The following CDH18 variants were observed in gnomAD, a reference collection of about 807,000 sequenced individuals.
The protein encoded by CDH18 is cadherin-18.
A neutral mutation model predicts 67.9 loss-of-function variants in CDH18; 31 were observed. The ratio of observed to expected loss-of-function variants is 0.46; its 90% confidence interval spans 0.34 to 0.62. The LOEUF (loss-of-function observed/expected upper bound fraction) is 0.62. CDH18 is among the 20% of genes least tolerant of loss of function. CDH18 has a pLI of 0.01. For missense variants in CDH18, 890 were observed against 975.5 expected (o/e 0.91, Z 1.17); for synonymous variants, 362 against 347.2 (o/e 1.04, Z -0.48).
At chr5:19,496,326 G>A (rs1211292335) in intron 11 of CDH18, among the ~76,000 whole-genome samples, 1 of 152,268 alleles carries the variant, frequency 6.6e-6, no homozygotes, top group South Asian at 2.1e-4. Flanking sequence ...CAGAGAAATG[G>A]TGAATACTCT....
intron 1 of CDH18, chr5:20,305,837 T>C (rs1218232658): frequency 1.8e-5 from 4 of 218,086 alleles, no homozygotes; most frequent in Non-Finnish European, 2.7e-5. Context: ...GACAGTGTTC[T>C]GAACTGGGTT....
chr5:20,380,594 T>C (rs1342164593), intron 1 of CDH18, among the ~76,000 whole-genome samples: 4 of 152,144 alleles, frequency 2.6e-5, no homozygotes. Flanking sequence ...AGCGAGTTAA[T>C]TTTAGGCACA....
intron 2 of CDH18, among the ~76,000 whole-genome samples, chr5:20,090,139 C>G (rs1745296422): frequency 1.3e-5 from 2 of 152,060 alleles, no homozygotes. Context: ...GATAAAAATA[C>G]ACAAGAAAGT....
chr5:20,504,903 G>A (rs895187213), intron 1 of CDH18, among the ~76,000 whole-genome samples: 7 of 151,494 alleles, frequency 4.6e-5, no homozygotes, highest in African/African-American at 1.7e-4. Context: ...GAGTAGCTGG[G>A]ACTACAGGCA....
At chr5:20,390,230 A>C (rs1012155684) in intron 1 of CDH18, among the ~76,000 whole-genome samples, 2 of 151,998 alleles carry the variant, frequency 1.3e-5, no homozygotes, top group Non-Finnish European at 2.9e-5. Context: ...AATTTTTGCA[A>C]TCTACTCATC....
At chr5:20,403,050 G>A (rs1745913848) in intron 1 of CDH18, among the ~76,000 whole-genome samples, 1 of 151,746 alleles carries the variant, frequency 6.6e-6, no homozygotes, top group African/African-American at 2.4e-5. Flanking sequence ...AGGTGTGGTG[G>A]CACACACTTG....
intron 1 of CDH18, among the ~76,000 whole-genome samples, chr5:20,299,403 TACACACAC>T (rs56003449): frequency 0.41 from 56,581 of 138,576 alleles, 12,202 homozygotes; most frequent in Middle Eastern, 0.53. Context: ...CAACATTAGC[TACACACAC>T]ACACACACAC....
chr5:19,677,127 G>T (rs1006245633), intron 5 of CDH18, among the ~76,000 whole-genome samples: 3 of 151,958 alleles, frequency 2.0e-5, no homozygotes, highest in Non-Finnish European at 4.4e-5. Flanking sequence ...AGGCCAAAAT[G>T]AAAGAAAAAA....
At chr5:19,604,898 C>A (rs1747782392) in intron 6 of CDH18, among the ~76,000 whole-genome samples, 1 of 151,734 alleles carries the variant, frequency 6.6e-6, no homozygotes, top group African/African-American at 2.4e-5. Context: ...TGTTTTCTCT[C>A]ACTCTTAATC....
rs572116080 is a variant in CDH18, at chr5:20,429,717, T to G, written c.-580+145745A>C. On this transcript the variant is annotated intron_variant, in intron 1 of 14. Coordinates refer to the CDH18 transcript ENST00000507958. The stretch of plus-strand genomic sequence containing the variant: ...TGCAGTTTGCATAAGGCTTAACATA[T>G]GTGTTATTTTTGCAGTAAATGTGAT... 2.6e-5 allele frequency among the ~76,000 whole-genome samples: 4 copies of G among 152,296 alleles called. No individual in the cohort carries two copies. In the South Asian group the frequency reaches 8.3e-4, roughly 32 times the overall value.
chr5:20,327,505 C>T (rs1424810097), intron 1 of CDH18, among the ~76,000 whole-genome samples: 3 of 151,836 alleles, frequency 2.0e-5, no homozygotes, highest in Admixed American at 1.3e-4. Flanking sequence ...CTTTAAATAC[C>T]GAAGTTCACA....
intron 5 of CDH18, among the ~76,000 whole-genome samples, chr5:19,671,291 T>C (rs982714247): frequency 6.6e-6 from 1 of 152,116 alleles, no homozygotes; most frequent in Non-Finnish European, 1.5e-5. Context: ...AAATAGAATT[T>C]GCTCTTCCAG....
chr5:19,691,677 T>C, intron 5 of CDH18, among the ~76,000 whole-genome samples: 1 of 151,738 alleles, frequency 6.6e-6, no homozygotes. Context: ...ACCAAAGAGG[T>C]GAAGGACTTC....
chr5:19,677,636 AGTCCAAAGTGTATC>A (rs1357324296), intron 5 of CDH18, among the ~76,000 whole-genome samples: 1 of 151,936 alleles, frequency 6.6e-6, no homozygotes, highest in Non-Finnish European at 1.5e-5. Context: ...TGAAGAAGCA[AGTCCAAAGTGTATC>A]CTGTCTTCAA....
intron 5 of CDH18, among the ~76,000 whole-genome samples, chr5:19,629,886 A>C (rs554118547): frequency 6.6e-6 from 1 of 152,294 alleles, no homozygotes; most frequent in South Asian, 2.1e-4. Context: ...AAAAATTTGT[A>C]GAAGAAAATT....
rs144330193 is a variant in CDH18 at position 19,777,246 on chromosome 5, C to T, written c.229-30010G>A. ...AGTGAGCCGAGATCGCATCATTCCACTCCAGCCTGGGCAACAAGAGTGAAA... is the reference window on the plus strand; with the variant it reads ...AGTGAGCCGAGATCGCATCATTCCATTCCAGCCTGGGCAACAAGAGTGAAA... On this transcript the variant is annotated intron_variant, in intron 3 of 12. Coordinates refer to ENST00000382275, the MANE Select transcript of CDH18 (RefSeq NM_004934.5). 6.8e-3 allele frequency among the ~76,000 whole-genome samples: 1,037 copies of T among 152,332 alleles called. 6 individuals carry two copies. Among genetic ancestry groups the T allele is most frequent in the East Asian group, 0.015 (77 of 5,188 alleles).
intron 1 of CDH18, among the ~76,000 whole-genome samples, chr5:20,573,349 CG>C (rs1411945801): frequency 6.6e-6 from 1 of 151,444 alleles, no homozygotes; most frequent in East Asian, 1.9e-4. Flanking sequence ...ATTAGAATTA[CG>C]TTTTTTTTTA....
At chr5:20,135,068 A>G (rs1329389001) in intron 2 of CDH18, among the ~76,000 whole-genome samples, 1 of 152,058 alleles carries the variant, frequency 6.6e-6, no homozygotes, top group Non-Finnish European at 1.5e-5. Context: ...AGGCCTGGAG[A>G]GAGAAACAGA....
chr5:19,695,424 C>A (rs1264539276), intron 5 of CDH18, among the ~76,000 whole-genome samples: 4 of 152,018 alleles, frequency 2.6e-5, no homozygotes, highest in Non-Finnish European at 5.9e-5. Flanking sequence ...AGAAAGGGAC[C>A]AAATGAATGA....
Sources: allele counts gnomAD v4.1 joint callset (sites outside exome capture counted in the v4.1 genomes callset), GRCh38; gene constraint gnomAD v4.1.1; transcripts MANE v1.5; gene names NCBI Gene and HGNC (gene_info 2026-07-23, HGNC 2026-07-21).